TBL2: variants seen among roughly 807,000 people sequenced by gnomAD.
TBL2 encodes transducin beta like 2.
Under a neutral mutation model 41.8 loss-of-function variants are expected in TBL2, and 33 were observed. The ratio of observed to expected loss-of-function variants is 0.79; its 90% confidence interval spans 0.60 to 1.06. The LOEUF is 1.06. Among genes scored for constraint, TBL2 ranks in the 50% least tolerant of loss-of-function variants. The pLI is 0.00. For missense variants in TBL2, 522 were observed against 603.8 expected (o/e 0.86, Z 1.42); for synonymous variants, 239 against 241.7 (o/e 0.99, Z 0.10).
chr7:73,578,369 C>G lies in TBL2; in HGVS notation c.130+51G>C, dbSNP rs767675312. 2,732 of 1,524,216 alleles carry G rather than the reference C, an allele frequency of 1.8e-3. 5 individuals carry two copies. The highest frequency in any genetic ancestry group is 2.0e-3 in the Non-Finnish European group (2,246 of 1,138,058). 94.4% of individuals were successfully genotyped at this position (1,524,216 alleles called of 1,614,324 possible). On this transcript the variant is annotated intron_variant, in intron 1 of 6. Coordinates refer to ENST00000305632, the MANE Select transcript of TBL2 (RefSeq NM_012453.4). ...AACCGCAGGTCGGACCACGAGGAGG[C>G]CGGGAGCCGGGACACCGCGGGCCGC...
At position 73,574,042 on chromosome 7, in the gene TBL2, G is replaced by A; in HGVS notation, c.342C>T (p.Ile114=). The change falls in exon 3 of 7, where the codon ATC becomes ATT. Residue 114 remains isoleucine, a synonymous_variant. Transcript: ENST00000305632. ...YLATCADDRT[I]RIWSTKDFLQ... ...GGAAGTCCTTGGTGCTCCAGATGCG[G>A]ATGGTGCGATCATCTGCACAGGTAG... The A allele has an allele frequency of 2.5e-6, 4 of 1,614,222 alleles. No individual in the cohort carries two copies. Among genetic ancestry groups the A allele is most frequent in the Non-Finnish European group, 3.4e-6 (4 of 1,180,046 alleles).
Position 73,568,263 on chromosome 7 carries a change from G to A in TBL2, c.*2244C>T, listed in dbSNP as rs1266872199. ...AGTGGGATGGTCCAGGAGTCTGCCCGGTGGTGCTCTCATTCCAGTGGGTTC... is the reference window on the plus strand; with the variant it reads ...AGTGGGATGGTCCAGGAGTCTGCCCAGTGGTGCTCTCATTCCAGTGGGTTC... On this transcript the variant is annotated 3_prime_UTR_variant, in exon 7 of 7. Coordinates refer to ENST00000305632, the MANE Select transcript of TBL2 (RefSeq NM_012453.4). 2.0e-5 allele frequency among the ~76,000 whole-genome samples: 3 copies of A among 152,136 alleles called. No homozygotes were observed. The highest frequency in any genetic ancestry group is 2.9e-5 in the Non-Finnish European group (2 of 68,028).
In TBL2 at chr7:73,571,263, C is replaced by T; in HGVS notation, c.804G>A (p.Glu268=). The change falls in exon 6 of 7, where the codon GAG becomes GAA. Residue 268 remains glutamate, a synonymous_variant. Coordinates refer to ENST00000305632, the MANE Select transcript of TBL2 (RefSeq NM_012453.4). The part of the protein sequence containing the change: ...VCFGKKGEFQ[E]VVRAFELKGH... Reference sequence around the variant, plus strand: ...CCTTTAGTTCGAAGGCTCGCACCACCTCCTGGAACTCCCCCTTCTTTCCAA... The same window carrying T: ...CCTTTAGTTCGAAGGCTCGCACCACTTCCTGGAACTCCCCCTTCTTTCCAA... 6.2e-7 allele frequency: 1 copy of T among 1,614,246 alleles called. No individual in the cohort carries two copies. Among genetic ancestry groups the T allele is most frequent in the Non-Finnish European group, 8.5e-7 (1 of 1,180,040 alleles).
intron 1 of TBL2, among the ~76,000 whole-genome samples, chr7:73,576,255 G>C (rs573897348): frequency 2.0e-5 from 3 of 147,128 alleles, no homozygotes; most frequent in Non-Finnish European, 4.5e-5. Flanking sequence ...CCTCAGTCTC[G>C]ATCTCCTGAC....
At chr7:73,578,146 T>C in intron 1 of TBL2, 1 of 1,109,202 alleles carries the variant, frequency 9.0e-7, no homozygotes, top group East Asian at 2.8e-5. Context: ...TTTACGGTGC[T>C]CTCCTGGCCA....
At position 73,574,119 on chromosome 7, in the gene TBL2, G is replaced by T. The variant is rs1279638020; in HGVS notation, c.265C>A (p.His89Asn). ...TCCATGCAAGATATGTTCCCGCTGT[G>T]GCTCTAGGGGAAGGGTGGCAGGAAG... ...HRLLAAALKS[H>N]SGNISCMDFS... Residue 89 changes from histidine (H) to asparagine (N), a missense_variant, in exon 3 of 7, where the codon CAC becomes AAC. Physicochemically the swap from His to Asn is moderately conservative, Grantham distance 68. Transcript: ENST00000305632. 1 of 1,613,722 alleles carries T rather than the reference G, an allele frequency of 6.2e-7. No homozygotes were observed. Among genetic ancestry groups the T allele is most frequent in the African/African-American group, 1.3e-5 (1 of 74,922 alleles).
At chr7:73,575,436 G>A (rs926537232) in intron 1 of TBL2, among the ~76,000 whole-genome samples, 4 of 151,936 alleles carry the variant, frequency 2.6e-5, no homozygotes, top group South Asian at 2.1e-4. Flanking sequence ...GACTACAGGC[G>A]CCCGCCACCA....
In TBL2 at chr7:73,572,877, T is replaced by C. The variant is rs1793050667; in HGVS notation, c.692A>G (p.Asn231Ser). ...VLSTINTNQM[N>S]NTHAAVSPCG... The stretch of plus-strand genomic sequence containing the variant: ...GGGAGATACAGCAGCGTGTGTGTTG[T>C]TCATCTGGTTGGTGTTGATGGTAGA... The change falls in exon 5 of 7, where the codon AAC (asparagine) becomes AGC (serine). Residue 231 changes from asparagine (N) to serine (S), a missense_variant. By Grantham distance (46) the Asn-to-Ser change is conservative. Transcript: ENST00000305632. 6.2e-7 allele frequency: 1 copy of C among 1,614,158 alleles called. No homozygotes were observed. The highest frequency in any genetic ancestry group is 2.2e-5 in the East Asian group (1 of 44,886).
Position 73,574,018 on chromosome 7 carries a change from G to T in TBL2, c.366C>A (p.Phe122Leu). 1 of 1,614,200 alleles carries T rather than the reference G, an allele frequency of 6.2e-7. No individual in the cohort carries two copies. ...RTIRIWSTKD[F>L]LQREHRSMRA... ...TCATGCTGCGGTGCTCTCGCTGCAG[G>T]AAGTCCTTGGTGCTCCAGATGCGGA... The change falls in exon 3 of 7, where the codon TTC becomes TTA. Residue 122 changes from phenylalanine to leucine, a missense_variant. Coordinates refer to ENST00000305632, the MANE Select transcript of TBL2 (RefSeq NM_012453.4).
intron 3 of TBL2, 27 bp from the exon 4 acceptor site, chr7:73,573,498 G>A (rs377105109): frequency 8.7e-6 from 14 of 1,613,096 alleles, no homozygotes; most frequent in African/African-American, 1.3e-5. Flanking sequence ...GACAAGTCAC[G>A]CTCTCACTGG....
At chr7:73,574,811 C>CAAAA in intron 1 of TBL2, 1 of 440,928 alleles carries the variant, frequency 2.3e-6, no homozygotes, top group Non-Finnish European at 4.3e-6. Context: ...GACCCTGTCT[C>CAAAA]AAAAAAAAAC....
intron 4 of TBL2, 152 bp from the exon 5 acceptor site, chr7:73,573,122 G>T: frequency 7.2e-7 from 1 of 1,383,452 alleles, no homozygotes. Flanking sequence ...GAAGACTGTG[G>T]CCCTTCCCCA....
At chr7:73,571,024 G>C (rs1792911838) in intron 6 of TBL2, 52 bp from the exon 7 acceptor site, 2 of 1,568,408 alleles carry the variant, frequency 1.3e-6, no homozygotes, top group African/African-American at 2.7e-5. Flanking sequence ...GGCAGGGTAA[G>C]CACTGGCCCA....
rs1322358551 is a variant in TBL2 at position 73,568,214 on chromosome 7, C to T, written c.*2293G>A. On this transcript the variant is annotated 3_prime_UTR_variant, in exon 7 of 7. Transcript: ENST00000305632. Reference sequence around the variant, plus strand: ...TTGAGTGCTTACACTGTCCCAGGTACTGTGCCTGGACCACAGAGCTGACAG... The same window carrying T: ...TTGAGTGCTTACACTGTCCCAGGTATTGTGCCTGGACCACAGAGCTGACAG... 1.3e-5 allele frequency among the ~76,000 whole-genome samples: 2 copies of T among 152,136 alleles called. No homozygotes were observed. Among genetic ancestry groups the T allele is most frequent in the African/African-American group, 4.8e-5 (2 of 41,432 alleles).
intron 1 of TBL2, chr7:73,574,885 C>T (rs1793203887): frequency 3.8e-5 from 14 of 367,884 alleles, no homozygotes; most frequent in South Asian, 2.9e-4. Flanking sequence ...TCTGTCTCTA[C>T]TACTGACTGA....
chr7:73,570,362 G>A lies in TBL2; in HGVS notation c.*145C>T. 7.4e-7 allele frequency: 1 copy of A among 1,359,972 alleles called. No homozygotes were observed. The highest frequency in any genetic ancestry group is 9.6e-7 in the Non-Finnish European group (1 of 1,039,064). 84.2% of individuals were successfully genotyped at this position (1,359,972 alleles called of 1,614,324 possible). A position where few individuals can be genotyped will look rare whatever the true frequency, so the allele number is the denominator to read the frequency against. ...AGAGAGACCTAAGTAGACAAGAGTA[G>A]TTTCAATGGGAAGAAGCAGGGCCAC... On this transcript the variant is annotated 3_prime_UTR_variant, in exon 7 of 7. Transcript: ENST00000305632.
At position 73,573,312 on chromosome 7, in the gene TBL2, C is replaced by T. The variant is rs782041262; in HGVS notation, c.598+8G>A. ...TTGGGCAGGCGCCACCCTCTGAATG[C>T]CTCTTACCTGTGTTAGCAATGCCAA... is the stretch of plus-strand genomic sequence containing the variant. On this transcript the variant is annotated splice_region_variant and intron_variant, in intron 4 of 6. Transcript: ENST00000305632. The T allele has an allele frequency of 8.1e-6, 13 of 1,614,022 alleles. No homozygotes were observed. The East Asian group carries it at 1.1e-4, about 14-fold the overall frequency.
chr7:73,575,572 C>T (rs1334342535), intron 1 of TBL2, among the ~76,000 whole-genome samples: 6 of 152,194 alleles, frequency 3.9e-5, no homozygotes, highest in African/African-American at 7.2e-5. Context: ...GGATTACAGG[C>T]GTGAGCCATG....
chr7:73,575,633 T>C (rs1425812288), intron 1 of TBL2, among the ~76,000 whole-genome samples: 1 of 152,154 alleles, frequency 6.6e-6, no homozygotes, highest in Non-Finnish European at 1.5e-5. Flanking sequence ...GGTTTCACCA[T>C]GTGGGCCAGG....
Sources: gnomAD v4.1 joint callset for allele counts (sites outside exome capture counted in the v4.1 genomes callset) on GRCh38, gnomAD v4.1.1 for gene constraint, MANE v1.5 for transcripts, NCBI Gene and HGNC (gene_info 2026-07-23, HGNC 2026-07-21) for gene names.